PTHLH: variants seen among roughly 807,000 people sequenced by gnomAD.
The protein encoded by PTHLH is parathyroid hormone-related protein.
In PTHLH, 5 loss-of-function variants were observed where a neutral mutation model predicts 18.6. That is an observed-to-expected ratio of 0.27 (90% CI 0.14 to 0.56). PTHLH has a LOEUF of 0.56. Ranked by LOEUF, PTHLH falls within the 20% of genes least tolerant of loss-of-function variation. The pLI, the probability that PTHLH is intolerant of heterozygous loss-of-function variation, is 0.92. For missense variants in PTHLH, 207 were observed against 223.9 expected, an observed-to-expected ratio of 0.92 and a Z score of 0.48; for synonymous variants, 90 against 94.0, an observed-to-expected ratio of 0.96 and a Z score of 0.25.
intron 4 of PTHLH, 48 bp downstream of exon 4, chr12:27,969,346 C>A (rs1429835525): frequency 1.3e-6 from 2 of 1,512,836 alleles, no homozygotes; most frequent in East Asian, 2.5e-5. Context: ...GGCAGCCCCT[C>A]CCCCTGGCCT....
intron 5 of PTHLH, 57 bp downstream of exon 5, chr12:27,963,291 C>A: frequency 1.2e-6 from 2 of 1,613,684 alleles, no homozygotes; most frequent in Admixed American, 3.3e-5. Flanking sequence ...AGAAGGGAGG[C>A]TCCAAAACCC....
At chr12:27,972,142 G>A (rs767279130) in intron 1 of PTHLH, 123 bp from the exon 2 acceptor site, 1 of 150,958 alleles carries the variant, frequency 6.6e-6, no homozygotes, top group African/African-American at 2.4e-5. Flanking sequence ...AAGGTACCTA[G>A]CCAAGTTTCA....
chr12:27,966,751 A>G (rs1263405262), intron 4 of PTHLH, among the ~76,000 whole-genome samples: 2 of 152,202 alleles, frequency 1.3e-5, no homozygotes, highest in Non-Finnish European at 2.9e-5. Flanking sequence ...AATGCTTATC[A>G]TAGATAACCC....
intron 4 of PTHLH, among the ~76,000 whole-genome samples, chr12:27,967,597 T>C (rs1225781342): frequency 1.3e-5 from 2 of 152,260 alleles, no homozygotes; most frequent in Non-Finnish European, 2.9e-5. Context: ...TCCATTTGGC[T>C]ATGATAATTT....
chr12:27,971,369 C>T (rs1280516164), intron 2 of PTHLH, among the ~76,000 whole-genome samples: 1 of 152,032 alleles, frequency 6.6e-6, no homozygotes, highest in Non-Finnish European at 1.5e-5. Context: ...GGAGTGGATA[C>T]CCTCCCCAGG....
At chr12:27,966,925 C>T (rs2062819485) in intron 4 of PTHLH, among the ~76,000 whole-genome samples, 1 of 152,202 alleles carries the variant, frequency 6.6e-6, no homozygotes, top group African/African-American at 2.4e-5. Context: ...TATGCTTGTA[C>T]TGATGCTAGG....
intron 4 of PTHLH, among the ~76,000 whole-genome samples, chr12:27,964,115 A>T (rs3845189): frequency 0.011 from 1,695 of 152,286 alleles, 29 homozygotes; most frequent in African/African-American, 0.039. Context: ...TGATTCAGTT[A>T]TGATCAGAAA....
chr12:27,963,329 G>A lies in PTHLH; in HGVS notation c.524+19C>T. On this transcript the variant is annotated intron_variant, in intron 5 of 5. Transcript: ENST00000545234. ...CTGAGAGCACCCCGCTGAGGCTACG[G>A]GCCAGAGAAGCCTGTTACCGTGAAT... 6.2e-7 allele frequency: 1 copy of A among 1,614,184 alleles called. No individual in the cohort carries two copies. Among genetic ancestry groups the A allele is most frequent in the Non-Finnish European group, 8.5e-7 (1 of 1,180,018 alleles).
intron 3 of PTHLH, 129 bp from the exon 4 acceptor site, chr12:27,969,645 A>AG (rs1336335363): frequency 1.1e-6 from 1 of 898,710 alleles, no homozygotes; most frequent in Admixed American, 1.7e-5. Flanking sequence ...CAAGTTGAAA[A>AG]GAAAAAAAAT....
intron 5 of PTHLH, among the ~76,000 whole-genome samples, chr12:27,961,514 T>A (rs1261802124): frequency 4.0e-5 from 6 of 150,816 alleles, no homozygotes; most frequent in Admixed American, 6.7e-5. Flanking sequence ...ATGACATGTT[T>A]ATATATATGA....
chr12:27,964,234 T>TTCTCTCTCTC lies in PTHLH; in HGVS notation c.102-474_102-465dup, dbSNP rs60461766. On this transcript the variant is annotated intron_variant, in intron 4 of 5. Coordinates refer to ENST00000545234, the MANE Select transcript of PTHLH (RefSeq NM_198965.2). ...AAAGGCAGCTGCTTTTACCTGAGTA[T>TTCTCTCTCTC]TCTCTCTCTCTCTCTCTCTCTCTCT... Among the ~76,000 whole-genome samples, 19 of 144,668 alleles carry TTCTCTCTCTC rather than the reference T, an allele frequency of 1.3e-4. No individual in the cohort carries two copies. The South Asian group carries it at 1.6e-3, about 12-fold the overall frequency. 94.9% of individuals were successfully genotyped at this position (144,668 alleles called of 152,430 possible).
Position 27,971,677 on chromosome 12 carries a change from G to C in PTHLH, c.-266+250C>G, listed in dbSNP as rs192642408. Among the ~76,000 whole-genome samples, 660 of 151,702 alleles carry C rather than the reference G, an allele frequency of 4.4e-3. 5 individuals are homozygous for C. The highest frequency in any genetic ancestry group is 9.3e-3 in the Admixed American group (142 of 15,224). On this transcript the variant is annotated intron_variant, in intron 2 of 5. Coordinates refer to ENST00000545234, the MANE Select transcript of PTHLH (RefSeq NM_198965.2). ...TAAAGTTTACTGCTTAGGTTGGGTGGGGGGGCATATTTTCTTAGAAGCTCC... is the reference window on the plus strand; with the variant it reads ...TAAAGTTTACTGCTTAGGTTGGGTGCGGGGGCATATTTTCTTAGAAGCTCC...
At chr12:27,971,301 G>T (rs763176518) in intron 2 of PTHLH, among the ~76,000 whole-genome samples, 2 of 152,112 alleles carry the variant, frequency 1.3e-5, no homozygotes, top group Non-Finnish European at 2.9e-5. Context: ...GCTAATGGGC[G>T]GGGAAGAAAG....
intron 5 of PTHLH, chr12:27,962,030 A>T: frequency 1.6e-6 from 1 of 643,770 alleles, no homozygotes; most frequent in African/African-American, 1.8e-5. Context: ...AATCATTTCA[A>T]TGGAAATGCA....
chr12:27,969,530 G>T lies in PTHLH; in HGVS notation c.-22-14C>A. 3 of 1,540,132 alleles carry T rather than the reference G, an allele frequency of 1.9e-6. No homozygotes were observed. The highest frequency in any genetic ancestry group is 1.2e-5 in the South Asian group (1 of 84,694). ...CGCGCTCGGGACCTGCAACAGAAGG[G>T]AATGGGACCCGAGTGTCAGTCTGGA... On this transcript the variant is annotated splice_polypyrimidine_tract_variant and intron_variant, in intron 3 of 5. Coordinates refer to ENST00000545234, the MANE Select transcript of PTHLH (RefSeq NM_198965.2).
chr12:27,961,164 C>A (rs953477862), intron 5 of PTHLH, among the ~76,000 whole-genome samples: 1 of 150,962 alleles, frequency 6.6e-6, no homozygotes, highest in African/African-American at 2.4e-5. Flanking sequence ...TAGTTCCAGG[C>A]GTAAGAATTG....
intron 4 of PTHLH, among the ~76,000 whole-genome samples, chr12:27,966,853 T>C (rs2062818844): frequency 6.6e-6 from 1 of 152,126 alleles, no homozygotes; most frequent in Admixed American, 6.5e-5. Flanking sequence ...TAAGGAACTA[T>C]CAAGGAACAG....
chr12:27,961,291 ATATATATAC>A (rs2062752532), intron 5 of PTHLH, among the ~76,000 whole-genome samples: 1 of 24,382 alleles, frequency 4.1e-5, no homozygotes, highest in East Asian at 7.2e-4. Flanking sequence ...ATATACGTAT[ATATATATAC>A]GTATATATAT....
At chr12:27,962,757 T>C (rs2062772790) in intron 5 of PTHLH, 1 of 978,032 alleles carries the variant, frequency 1.0e-6, no homozygotes, top group Non-Finnish European at 1.2e-6. Flanking sequence ...TTAAATTTAA[T>C]TAAACAAATT....
Sources: gnomAD v4.1 joint callset for allele counts (sites outside exome capture counted in the v4.1 genomes callset) on GRCh38, gnomAD v4.1.1 for gene constraint, MANE v1.5 for transcripts, NCBI Gene and HGNC (gene_info 2026-07-23, HGNC 2026-07-21) for gene names.